KMT2C: variants seen among roughly 807,000 people sequenced by gnomAD.
KMT2C encodes histone-lysine N-methyltransferase 2C.
In KMT2C, 88 loss-of-function variants were observed where a neutral mutation model predicts 507.9. That is an observed-to-expected ratio of 0.17 (90% CI 0.15 to 0.21). The LOEUF is 0.21. Ranked by LOEUF, KMT2C falls within the 10% of genes least tolerant of loss-of-function variation. KMT2C has a pLI of 1.00. For missense variants in KMT2C, 4,954 were observed against 5,957.8 expected (o/e 0.83, Z 5.55); for synonymous variants, 2,049 against 2,080.8 (o/e 0.98, Z 0.42).
At chr7:152,368,039 TGAA>T (rs1392645100) in intron 1 of KMT2C, 4 of 849,734 alleles carry the variant, frequency 4.7e-6, no homozygotes, top group South Asian at 2.8e-5. Flanking sequence ...AAATAGATGA[TGAA>T]GAAGAAAATA....
intron 2 of KMT2C, among the ~76,000 whole-genome samples, chr7:152,353,463 C>A (rs541269683): frequency 6.6e-6 from 1 of 152,106 alleles, no homozygotes; most frequent in African/African-American, 2.4e-5. Flanking sequence ...TACTCATTCC[C>A]ATCCACCCAC....
At chr7:152,422,607 T>C (rs990280407) in intron 1 of KMT2C, among the ~76,000 whole-genome samples, 4 of 152,184 alleles carry the variant, frequency 2.6e-5, no homozygotes, top group Non-Finnish European at 4.4e-5. Flanking sequence ...ATTAGGCCTA[T>C]GGTGATAAAC....
At chr7:152,418,231 T>C (rs535052829) in intron 1 of KMT2C, among the ~76,000 whole-genome samples, 268 of 151,704 alleles carry the variant, frequency 1.8e-3, no homozygotes, top group Non-Finnish European at 3.3e-3. Flanking sequence ...TGAGCCACCA[T>C]GCCCGGCCAA....
At chr7:152,351,299 G>A (rs562057370) in intron 2 of KMT2C, among the ~76,000 whole-genome samples, 1 of 152,274 alleles carries the variant, frequency 6.6e-6, no homozygotes, top group Non-Finnish European at 1.5e-5. Flanking sequence ...CTTTTGTATA[G>A]TACATGTAAT....
chr7:152,233,557 T>C (rs1329706268), intron 16 of KMT2C, among the ~76,000 whole-genome samples: 1 of 151,782 alleles, frequency 6.6e-6, no homozygotes, highest in Non-Finnish European at 1.5e-5. Context: ...TAGACAAAAG[T>C]CCATGAAAAC....
intron 1 of KMT2C, among the ~76,000 whole-genome samples, chr7:152,397,202 T>A (rs1173913207): frequency 7.6e-6 from 1 of 130,794 alleles, no homozygotes; most frequent in Non-Finnish European, 1.6e-5. Context: ...CTTTCCAAGC[T>A]TTTTTTTTTT....
intron 1 of KMT2C, among the ~76,000 whole-genome samples, chr7:152,407,881 T>C (rs1251603650): frequency 1.3e-5 from 2 of 152,238 alleles, no homozygotes; most frequent in Admixed American, 1.3e-4. Flanking sequence ...TTCAGAAACA[T>C]ATACTATTAG....
chr7:152,159,597 A>C (rs2092321102), intron 43 of KMT2C, among the ~76,000 whole-genome samples: 1 of 152,226 alleles, frequency 6.6e-6, no homozygotes, highest in Non-Finnish European at 1.5e-5. Flanking sequence ...AAGAAAAAAC[A>C]CTGGTTCTTC....
chr7:152,333,880 TAA>T (rs2129214234), intron 2 of KMT2C, among the ~76,000 whole-genome samples: 1 of 152,256 alleles, frequency 6.6e-6, no homozygotes, highest in South Asian at 2.1e-4. Context: ...GACCTTAAAT[TAA>T]GTGTTTATAC....
intron 1 of KMT2C, among the ~76,000 whole-genome samples, chr7:152,424,845 C>T (rs2097801623): frequency 1.3e-5 from 2 of 152,196 alleles, no homozygotes; most frequent in South Asian, 4.1e-4. Flanking sequence ...GTCCTGGAAT[C>T]TCTTCCTCTC....
chr7:152,349,144 C>A (rs560449025), intron 2 of KMT2C, among the ~76,000 whole-genome samples: 2 of 152,254 alleles, frequency 1.3e-5, no homozygotes, highest in African/African-American at 4.8e-5. Flanking sequence ...ACTATCAAGA[C>A]ATGAAAAGAC....
intron 1 of KMT2C, among the ~76,000 whole-genome samples, chr7:152,381,284 G>C (rs2097371299): frequency 6.6e-6 from 1 of 150,812 alleles, no homozygotes; most frequent in African/African-American, 2.4e-5. Context: ...TAACTGGGGA[G>C]AGGGAGTAAT....
At chr7:152,206,002 C>A (rs1480658344) in intron 24 of KMT2C, among the ~76,000 whole-genome samples, 1 of 152,098 alleles carries the variant, frequency 6.6e-6, no homozygotes, top group African/African-American at 2.4e-5. Flanking sequence ...ACACATAGAG[C>A]CCTGTGTTTA....
At position 152,194,032 on chromosome 7, in the gene KMT2C, T is replaced by C; in HGVS notation, c.4637A>G (p.Gln1546Arg). ...ACCCTGATTGTGTATTGGCAACAGC[T>C]GTGTTGGTGGGGGAGGCTGTGGCAA... Reference protein sequence around the residue: ...TPLPQPPPPTQLLPIHNQDAF... With the variant: ...TPLPQPPPPTRLLPIHNQDAF... Residue 1546 changes from glutamine to arginine, a missense_variant, in exon 31 of 59, where the codon CAG (glutamine) becomes CGG (arginine). By Grantham distance (43) the Gln-to-Arg change is conservative. This residue lies in a region of KMT2C where 195 missense variants were observed against 183.7 expected (regional missense o/e 1.06). Transcript: ENST00000262189. 6.3e-7 allele frequency: 1 copy of C among 1,577,780 alleles called. No individual in the cohort carries two copies. The highest frequency in any genetic ancestry group is 8.6e-7 in the Non-Finnish European group (1 of 1,168,128).
In KMT2C at chr7:152,371,748, G is replaced by A. The variant is rs543089994; in HGVS notation, c.162-13073C>T. Reference sequence around the variant, plus strand: ...CCCACCTCAGCCACCTGAGTAGCTAGGATTACAGACACATGCCACCACACC... The same window carrying A: ...CCCACCTCAGCCACCTGAGTAGCTAAGATTACAGACACATGCCACCACACC... On this transcript the variant is annotated intron_variant, in intron 1 of 58. Transcript: ENST00000262189. 8.5e-5 allele frequency among the ~76,000 whole-genome samples: 13 copies of A among 152,078 alleles called. No homozygotes were observed. In the South Asian group the frequency reaches 2.3e-3, roughly 27 times the overall value.
At chr7:152,336,464 C>T (rs1025522750) in intron 2 of KMT2C, among the ~76,000 whole-genome samples, 3 of 152,266 alleles carry the variant, frequency 2.0e-5, no homozygotes, top group African/African-American at 7.2e-5. Flanking sequence ...CCAGAGATGT[C>T]ATCCAGAGAT....
intron 2 of KMT2C, among the ~76,000 whole-genome samples, chr7:152,334,559 TC>T (rs971620783): frequency 2.6e-5 from 4 of 152,120 alleles, no homozygotes; most frequent in Non-Finnish European, 5.9e-5. Flanking sequence ...GAGACTTTAT[TC>T]CCCAACCCTC....
At chr7:152,340,543 A>G (rs1178682225) in intron 2 of KMT2C, among the ~76,000 whole-genome samples, 1 of 152,202 alleles carries the variant, frequency 6.6e-6, no homozygotes, top group East Asian at 1.9e-4. Flanking sequence ...TATATTAGAA[A>G]AAGCAAATTA....
intron 6 of KMT2C, among the ~76,000 whole-genome samples, chr7:152,296,259 T>A (rs1382558394): frequency 6.7e-6 from 1 of 149,410 alleles, no homozygotes; most frequent in African/African-American, 2.5e-5. Flanking sequence ...CGAAACCCCA[T>A]CCCATCCCTA....
Sources: allele counts gnomAD v4.1 joint callset (sites outside exome capture counted in the v4.1 genomes callset), GRCh38; gene constraint gnomAD v4.1.1; regional missense constraint gnomAD v4.1.1; transcripts MANE v1.5; gene names NCBI Gene and HGNC (gene_info 2026-07-23, HGNC 2026-07-21).